Variants in BPIFC observed in about 807,000 individuals in gnomAD.
The protein encoded by BPIFC is BPI fold-containing family C protein.
In BPIFC, 60 loss-of-function variants were observed where a neutral mutation model predicts 57.6. The ratio of observed to expected loss-of-function variants is 1.04; its 90% CI spans 0.85 to 1.29. The LOEUF is 1.29. BPIFC is among the 50% of genes most tolerant of loss of function. BPIFC has a pLI of 0.00. For synonymous variants in BPIFC, 243 were observed against 224.5 expected (o/e 1.08, Z -0.74); for missense variants, 581 against 600.5 (o/e 0.97, Z 0.34).
chr22:32,448,181 G>A (rs924136738), intron 4 of BPIFC, among the ~76,000 whole-genome samples: 3 of 151,790 alleles, frequency 2.0e-5, no homozygotes, highest in African/African-American at 7.3e-5. Context: ...GGATTCTCCT[G>A]CCTCAGCCTC....
intron 12 of BPIFC, among the ~76,000 whole-genome samples, chr22:32,431,909 C>T (rs1394746183): frequency 6.6e-6 from 1 of 151,834 alleles, no homozygotes; most frequent in Non-Finnish European, 1.5e-5. Flanking sequence ...GTGCTTACCT[C>T]CCATCCTGCC....
intron 8 of BPIFC, among the ~76,000 whole-genome samples, chr22:32,439,965 A>G (rs181263642): frequency 1.3e-5 from 2 of 152,250 alleles, no homozygotes; most frequent in Admixed American, 6.5e-5. Context: ...AGGGACAGCA[A>G]TCATTTCACA....
chr22:32,440,770 A>G (rs1934543415), intron 8 of BPIFC, among the ~76,000 whole-genome samples: 1 of 152,152 alleles, frequency 6.6e-6, no homozygotes, highest in Non-Finnish European at 1.5e-5. Flanking sequence ...TTGACCTTCA[A>G]GGTACATCCA....
chr22:32,464,374 C>T lies in BPIFC; in HGVS notation c.-89G>A. On this transcript the variant is annotated splice_region_variant and 5_prime_UTR_variant, in exon 1 of 17. Coordinates refer to ENST00000300399, the MANE Select transcript of BPIFC (RefSeq NM_174932.3). ...CCTGAAGTTTGTTCATGAGTCTTAC[C>T]TCAAGCAGAGGAAGTGTCCAAAGCT... is the stretch of plus-strand genomic sequence containing the variant. 1 of 985,180 alleles carries T rather than the reference C, an allele frequency of 1.0e-6. No homozygotes were observed. Among genetic ancestry groups the T allele is most frequent in the Non-Finnish European group, 1.2e-6 (1 of 829,838 alleles). 61.0% of individuals were successfully genotyped at this position (985,180 alleles called of 1,614,324 possible). A position where few individuals can be genotyped will look rare whatever the true frequency, so the allele number is the denominator to read the frequency against.
At position 32,429,801 on chromosome 22, in the gene BPIFC, G is replaced by A. The variant is rs143529672; in HGVS notation, c.1217+1546C>T. Among the ~76,000 whole-genome samples, 1,163 of 151,882 alleles carry A rather than the reference G, an allele frequency of 7.7e-3. 7 individuals are homozygous for A. Among genetic ancestry groups the A allele is most frequent in the Middle Eastern group, 0.014 (4 of 294 alleles). ...AAGTGCTGGGATTACAGGTGTGAGC[G>A]ACCGCGCCTGGCCATTTTCCATGTT... is the stretch of plus-strand genomic sequence containing the variant. On this transcript the variant is annotated intron_variant, in intron 13 of 16. Transcript: ENST00000300399.
At chr22:32,433,920 G>T in intron 10 of BPIFC, 148 bp from the exon 11 acceptor site, 1 of 722,668 alleles carries the variant, frequency 1.4e-6, no homozygotes, top group Non-Finnish European at 2.4e-6. Flanking sequence ...TCATTTTATA[G>T]CCCAATCATA....
intron 2 of BPIFC, among the ~76,000 whole-genome samples, chr22:32,458,894 C>T (rs899278466): frequency 2.0e-5 from 3 of 152,198 alleles, no homozygotes; most frequent in Admixed American, 6.5e-5. Context: ...AGTGGGACCA[C>T]ATCTTACTCA....
intron 15 of BPIFC, among the ~76,000 whole-genome samples, chr22:32,416,202 C>A (rs1187324914): frequency 6.6e-6 from 1 of 151,786 alleles, no homozygotes; most frequent in South Asian, 2.1e-4. Context: ...GCCTCAGCCT[C>A]CCGAGTAGCT....
chr22:32,437,093 A>G (rs929764776), intron 9 of BPIFC, among the ~76,000 whole-genome samples: 5 of 152,224 alleles, frequency 3.3e-5, no homozygotes, highest in African/African-American at 7.2e-5. Context: ...TAGGAATGGA[A>G]GTGCCAACGT....
chr22:32,450,926 G>A (rs887825315), intron 4 of BPIFC, among the ~76,000 whole-genome samples: 1 of 152,172 alleles, frequency 6.6e-6, no homozygotes, highest in South Asian at 2.1e-4. Context: ...AGTTGAAAAA[G>A]TAAACTTACA....
intron 4 of BPIFC, 103 bp downstream of exon 4, chr22:32,453,280 T>C: frequency 2.2e-6 from 2 of 894,426 alleles, no homozygotes; most frequent in South Asian, 4.1e-5. Context: ...CAGAAAAAGA[T>C]AAGAAGGCTG....
intron 9 of BPIFC, among the ~76,000 whole-genome samples, chr22:32,437,445 C>T (rs570888963): frequency 2.0e-5 from 3 of 152,270 alleles, no homozygotes; most frequent in South Asian, 2.1e-4. Context: ...GGCTGGAATG[C>T]AGTGGTATGA....
In BPIFC at chr22:32,431,449, G is replaced by A; in HGVS notation, c.1150-35C>T. The A allele has an allele frequency of 4.1e-6, 5 of 1,205,012 alleles. 1 individual carries two copies. The highest frequency in any genetic ancestry group is 6.0e-6 in the Non-Finnish European group (5 of 829,044). 74.6% of individuals were successfully genotyped at this position (1,205,012 alleles called of 1,614,324 possible). ...ATAAAAGCATTTATTATTAAGACGA[G>A]TGAGTGTCAATTTTGGCCATCAGTA... On this transcript the variant is annotated intron_variant, in intron 12 of 16. Coordinates refer to ENST00000300399, the MANE Select transcript of BPIFC (RefSeq NM_174932.3).
chr22:32,445,598 G>A (rs757433593), intron 7 of BPIFC, 37 bp downstream of exon 7: 1 of 1,504,986 alleles, frequency 6.6e-7, no homozygotes, highest in Admixed American at 2.0e-5. Context: ...TCTACTAATG[G>A]CATTTTACTG....
chr22:32,448,060 T>C (rs910006426), intron 4 of BPIFC, among the ~76,000 whole-genome samples: 1 of 147,024 alleles, frequency 6.8e-6, no homozygotes, highest in African/African-American at 2.5e-5. Flanking sequence ...GCCCAGCTAT[T>C]TTTTTTCTTT....
At chr22:32,429,772 C>T (rs565061805) in intron 13 of BPIFC, among the ~76,000 whole-genome samples, 1 of 152,168 alleles carries the variant, frequency 6.6e-6, no homozygotes, top group South Asian at 2.1e-4. Flanking sequence ...GTCTCGTCCT[C>T]CCAAAGTGCT....
At chr22:32,428,788 A>C (rs1243831575) in intron 13 of BPIFC, among the ~76,000 whole-genome samples, 1 of 151,990 alleles carries the variant, frequency 6.6e-6, no homozygotes, top group South Asian at 2.1e-4. Context: ...AATCCCAGCT[A>C]CTTGGCGGGC....
chr22:32,436,242 T>C (rs993755631), intron 9 of BPIFC, among the ~76,000 whole-genome samples: 1 of 151,838 alleles, frequency 6.6e-6, no homozygotes, highest in African/African-American at 2.4e-5. Flanking sequence ...TGCAGTGAAT[T>C]GTGACTGTGC....
intron 12 of BPIFC, among the ~76,000 whole-genome samples, chr22:32,431,789 A>G (rs1317660061): frequency 1.3e-5 from 2 of 152,094 alleles, no homozygotes; most frequent in Non-Finnish European, 2.9e-5. Context: ...TGACTTATTT[A>G]GATTAAAAAA....
Sources: gnomAD v4.1 joint callset for allele counts (sites outside exome capture counted in the v4.1 genomes callset) on GRCh38, gnomAD v4.1.1 for gene constraint, MANE v1.5 for transcripts, NCBI Gene and HGNC (gene_info 2026-07-23, HGNC 2026-07-21) for gene names.